Variants in FAP observed in about 807,000 individuals in gnomAD.
FAP encodes the protein prolyl endopeptidase FAP.
FAP carries 110 observed loss-of-function variants against 126.5 expected under a neutral mutation model. That is an observed-to-expected ratio of 0.87 (90% confidence interval 0.74 to 1.02). FAP has a LOEUF of 1.02. FAP is among the 50% of genes least tolerant of loss of function. The pLI, the probability that FAP is intolerant of heterozygous loss-of-function variation, is 0.00. For missense variants in FAP, 919 were observed against 909.2 expected, an observed-to-expected ratio of 1.01 and a Z score of -0.14; for synonymous variants, 334 against 297.3, an observed-to-expected ratio of 1.12 and a Z score of -1.27.
In FAP at chr2:162,183,451, C is replaced by T. The variant is rs149046822; in HGVS notation, c.1832G>A (p.Gly611Asp). 126 of 1,609,500 alleles carry T rather than the reference C, an allele frequency of 7.8e-5. 1 individual carries two copies. The highest frequency in any genetic ancestry group is 5.0e-4 in the Middle Eastern group (3 of 6,052). ...ITAVRKFIEM[G>D]FIDEKRIAIW... is the part of the protein sequence containing the mutation. ...GGCTATTCTTTTTTCATCAATGAAA[C>T]CCATTTCTATGAATTTTCTAAAGTA... Residue 611 changes from glycine to aspartate, a missense_variant, in exon 21 of 26, where the codon GGT becomes GAT. By Grantham distance (94) the Gly-to-Asp change is moderately conservative. Transcript: ENST00000188790.
Position 162,183,412 on chromosome 2 carries a change from A to G in FAP, c.1869+2T>C. The stretch of plus-strand genomic sequence containing the variant: ...AGGCATAAAAAATATAAAACAACTC[A>G]CCCAGCCCCATATGGCTATTCTTTT... On this transcript the variant is annotated splice_donor_variant, in intron 21 of 25. Transcript: ENST00000188790. LOFTEE classifies it high-confidence loss of function. 1 of 1,606,828 alleles carries G rather than the reference A, an allele frequency of 6.2e-7. No individual in the cohort carries two copies. The highest frequency in any genetic ancestry group is 1.1e-5 in the South Asian group (1 of 90,100).
intron 21 of FAP, chr2:162,176,777 CTT>C (rs1687502116): frequency 6.6e-6 from 1 of 152,106 alleles, no homozygotes; most frequent in South Asian, 2.1e-4. Flanking sequence ...TAAAGTGAGA[CTT>C]GACATTAAAA....
intron 11 of FAP, 104 bp from the exon 12 acceptor site, chr2:162,210,100 C>A (rs1278100967): frequency 4.5e-6 from 4 of 892,790 alleles, no homozygotes; most frequent in South Asian, 3.0e-5. Flanking sequence ...TCAGAGTATA[C>A]CATTACTAGT....
intron 12 of FAP, among the ~76,000 whole-genome samples, chr2:162,209,090 A>G (rs189775364): frequency 1.9e-3 from 283 of 152,108 alleles, no homozygotes; most frequent in Non-Finnish European, 3.1e-3. Flanking sequence ...TTGAGTTTAA[A>G]TTTTTATATA....
At chr2:162,237,146 G>A (rs1690168551) in intron 2 of FAP, among the ~76,000 whole-genome samples, 1 of 152,092 alleles carries the variant, frequency 6.6e-6, no homozygotes, top group Admixed American at 6.5e-5. Flanking sequence ...TATACAATGA[G>A]AAATAAAAAG....
intron 17 of FAP, among the ~76,000 whole-genome samples, chr2:162,193,048 A>G (rs1427673582): frequency 6.6e-6 from 1 of 152,078 alleles, no homozygotes; most frequent in East Asian, 1.9e-4. Context: ...CGTCTAACCC[A>G]GTATCTCTTT....
chr2:162,177,785 G>GAAAA (rs1258292941), intron 21 of FAP, among the ~76,000 whole-genome samples: 1 of 152,066 alleles, frequency 6.6e-6, no homozygotes, highest in Non-Finnish European at 1.5e-5. Flanking sequence ...TCCTGTCAAT[G>GAAAA]AATGTAGCCC....
intron 21 of FAP, chr2:162,175,868 G>A (rs1687465112): frequency 1.3e-5 from 2 of 152,140 alleles, no homozygotes; most frequent in African/African-American, 4.8e-5. Context: ...CATGCTGTGA[G>A]AGAGGTGCTT....
At chr2:162,207,610 G>A (rs1688755231) in intron 12 of FAP, among the ~76,000 whole-genome samples, 1 of 151,910 alleles carries the variant, frequency 6.6e-6, no homozygotes, top group African/African-American at 2.4e-5. Flanking sequence ...TTCTACAGCT[G>A]GGCTGGGCGC....
chr2:162,219,963 C>T (rs1470135200), intron 6 of FAP, 38 bp from the exon 7 acceptor site: 4 of 1,333,964 alleles, frequency 3.0e-6, no homozygotes, highest in African/African-American at 1.5e-5. Flanking sequence ...ACAAACCTTG[C>T]TGTTTAATGC....
At chr2:162,199,936 C>T (rs1688428689) in intron 15 of FAP, among the ~76,000 whole-genome samples, 2 of 152,274 alleles carry the variant, frequency 1.3e-5, no homozygotes, top group Non-Finnish European at 1.5e-5. Flanking sequence ...GATCAGCATG[C>T]CCAGGTACAA....
Position 162,174,958 on chromosome 2 carries a change from T to C in FAP, c.1878A>G (p.Gly626=). The change falls in exon 22 of 26, where the codon GGA becomes GGG. Residue 626 remains glycine (G), a synonymous_variant. Coordinates refer to ENST00000188790, the MANE Select transcript of FAP (RefSeq NM_004460.5). ...CAAGGGCCAGTGATGAAACGTATCC[T>C]CCATAGGACTGTAGAGACATTGTTA... ...KRIAIWGWSY[G]GYVSSLALAS... 6.2e-7 allele frequency: 1 copy of C among 1,610,176 alleles called. No individual in the cohort carries two copies. Among genetic ancestry groups the C allele is most frequent in the Non-Finnish European group, 8.5e-7 (1 of 1,176,808 alleles).
rs756607990 is a variant in FAP at position 162,194,767 on chromosome 2, C to A, written c.1403-19G>T. On this transcript the variant is annotated intron_variant, in intron 16 of 25. Transcript: ENST00000188790. ...CCTGGGCCTGTGGGCAGGATGAAAA[C>A]AAAATCATGGCTTAGTGTTAAAATA... 1.1e-5 allele frequency: 18 copies of A among 1,611,658 alleles called. No individual in the cohort carries two copies. The highest frequency in any genetic ancestry group is 3.3e-5 in the Admixed American group (2 of 59,942).
At chr2:162,181,802 C>T (rs1051500107) in intron 21 of FAP, among the ~76,000 whole-genome samples, 2 of 152,122 alleles carry the variant, frequency 1.3e-5, no homozygotes, top group African/African-American at 4.8e-5. Flanking sequence ...AGAAAATGTA[C>T]TATGTAGATG....
intron 18 of FAP, 26 bp from the exon 19 acceptor site, chr2:162,189,198 A>C: frequency 6.7e-7 from 1 of 1,487,440 alleles, no homozygotes; most frequent in Non-Finnish European, 9.3e-7. Flanking sequence ...AAGGAGAAAA[A>C]TCTTCATTCC....
At chr2:162,184,772 T>TA (rs3216639) in intron 20 of FAP, among the ~76,000 whole-genome samples, 100 of 149,706 alleles carry the variant, frequency 6.7e-4, no homozygotes, top group East Asian at 1.6e-3. Context: ...ACTTTCTTGT[T>TA]AAAAAAAAAA....
intron 12 of FAP, among the ~76,000 whole-genome samples, chr2:162,204,848 G>A (rs1410578023): frequency 1.3e-5 from 2 of 152,104 alleles, no homozygotes; most frequent in Non-Finnish European, 2.9e-5. Context: ...TAAGCAGAAG[G>A]CCATTAACCT....
intron 3 of FAP, 105 bp downstream of exon 3, chr2:162,226,418 A>C: frequency 1.8e-6 from 1 of 562,990 alleles, no homozygotes. Context: ...CTTTTTGTAC[A>C]TTTCAACTGA....
chr2:162,194,949 G>T (rs1052723199), intron 16 of FAP: 1 of 578,066 alleles, frequency 1.7e-6, no homozygotes, highest in Non-Finnish European at 3.1e-6. Context: ...CCCACTCAAA[G>T]AACAGCTGTG....
Sources: allele counts gnomAD v4.1 joint callset (sites outside exome capture counted in the v4.1 genomes callset), GRCh38; gene constraint gnomAD v4.1.1; transcripts MANE v1.5; gene names NCBI Gene and HGNC (gene_info 2026-07-23, HGNC 2026-07-21).